Variants in RABEP2 observed in about 807,000 individuals in gnomAD.
RABEP2 encodes the protein rabaptin, RAB GTPase binding effector protein 2, also known as rab GTPase-binding effector protein 2.
A neutral mutation model predicts 74.1 loss-of-function variants in RABEP2; 57 were observed. The observed-to-expected ratio is 0.77, with a 90% CI of 0.62 to 0.96. The LOEUF (loss-of-function observed/expected upper bound fraction) is 0.96, where lower values mean the gene tolerates loss of function less well. Among genes scored for constraint, RABEP2 ranks in the 40% least tolerant of loss-of-function variants. RABEP2 has a pLI of 0.00. For missense variants in RABEP2, 692 were observed against 756.3 expected (o/e 0.91, Z 1.00); for synonymous variants, 351 against 344.0 (o/e 1.02, Z -0.23).
intron 3 of RABEP2, chr16:28,916,080 T>C (rs1964388866): frequency 6.8e-6 from 1 of 147,166 alleles, no homozygotes; most frequent in African/African-American, 2.5e-5. Flanking sequence ...AGACCACCCA[T>C]CTAGGCCTCA....
chr16:28,920,921 T>G (rs1342753408), intron 2 of RABEP2: 1 of 256,548 alleles, frequency 3.9e-6, no homozygotes, highest in Admixed American at 4.9e-5. Flanking sequence ...TGAAGTGCAG[T>G]GTCGCAATCA....
At chr16:28,914,898 C>T (rs1243457323) in intron 3 of RABEP2, 116 bp from the exon 4 acceptor site, 13 of 800,098 alleles carry the variant, frequency 1.6e-5, no homozygotes, top group Non-Finnish European at 2.6e-5. Flanking sequence ...CTAGAAGGTG[C>T]TGTCCACCCT....
chr16:28,905,158 A>AG (rs1197202050), intron 12 of RABEP2, 114 bp from the exon 13 acceptor site: 25 of 855,854 alleles, frequency 2.9e-5, no homozygotes, highest in Middle Eastern at 6.8e-4. Flanking sequence ...GGCCACCTCT[A>AG]GGGGGCTGAT....
chr16:28,924,628 G>A lies in RABEP2; in HGVS notation c.62-13C>T, dbSNP rs1666116632. 6 of 1,603,150 alleles carry A rather than the reference G, an allele frequency of 3.7e-6. No homozygotes were observed. Among genetic ancestry groups the A allele is most frequent in the Non-Finnish European group, 5.1e-6 (6 of 1,176,874 alleles). The stretch of plus-strand genomic sequence containing the variant: ...GAGTCCTCCAGTGCTGTGGGGGACA[G>A]GGATCAGCCTCTCTTCCCATCTCTT... On this transcript the variant is annotated splice_polypyrimidine_tract_variant and intron_variant, in intron 1 of 12. Coordinates refer to ENST00000358201, the MANE Select transcript of RABEP2 (RefSeq NM_024816.3).
chr16:28,919,778 A>G lies in RABEP2; in HGVS notation c.432+8T>C, dbSNP rs367596107. The G allele has an allele frequency of 2.3e-5, 37 of 1,600,608 alleles. No individual in the cohort carries two copies. In the African/African-American group the frequency reaches 3.5e-4, roughly 15 times the overall value. Reference sequence around the variant, plus strand: ...CCAGGGCAGCAGGGAAGCCATCCCAATCCCAACCTTTTCCATCTGCTTCTC... The same window carrying G: ...CCAGGGCAGCAGGGAAGCCATCCCAGTCCCAACCTTTTCCATCTGCTTCTC... On this transcript the variant is annotated splice_region_variant and intron_variant, in intron 3 of 12. Coordinates refer to ENST00000358201, the MANE Select transcript of RABEP2 (RefSeq NM_024816.3).
Position 28,925,215 on chromosome 16 carries a change from G to T in RABEP2, c.-52C>A. 6.7e-7 allele frequency: 1 copy of T among 1,502,632 alleles called. No homozygotes were observed. The highest frequency in any genetic ancestry group is 8.8e-7 in the Non-Finnish European group (1 of 1,131,676). 93.1% of individuals were successfully genotyped at this position (1,502,632 alleles called of 1,614,324 possible). ...GCACTCCCTGGTGACGGAGCGCACC[G>T]CTTCCGGGTCCTCTCGGCTGTTTCC... On this transcript the variant is annotated 5_prime_UTR_variant, in exon 1 of 13. Coordinates refer to ENST00000358201, the MANE Select transcript of RABEP2 (RefSeq NM_024816.3).
chr16:28,905,928 C>T (rs762870201), intron 9 of RABEP2, 50 bp from the exon 10 acceptor site: 22 of 1,613,078 alleles, frequency 1.4e-5, no homozygotes, highest in African/African-American at 6.7e-5. Context: ...CTCCCCTCCC[C>T]GCTGCTGCCC....
Position 28,914,308 on chromosome 16 carries a change from G to A in RABEP2, c.822C>T (p.Pro274=), listed in dbSNP as rs200262580. ...ASLVSTGTLV[P]EGIYLPPPGY... Reference sequence around the variant, plus strand: ...CAGGAGGGGGCAGGTAGATGCCCTCGGGAACCAGGGTGCCCGTAGACACCA... The same window carrying A: ...CAGGAGGGGGCAGGTAGATGCCCTCAGGAACCAGGGTGCCCGTAGACACCA... The change falls in exon 5 of 13, where the codon CCC becomes CCT. Residue 274 remains proline, a synonymous_variant. Transcript: ENST00000358201. 324 of 1,613,038 alleles carry A rather than the reference G, an allele frequency of 2.0e-4. No individual in the cohort carries two copies. In the African/African-American group the frequency reaches 3.7e-3, roughly 18 times the overall value.
At chr16:28,907,862 C>T (rs895965975) in intron 8 of RABEP2, among the ~76,000 whole-genome samples, 3 of 152,088 alleles carry the variant, frequency 2.0e-5, no homozygotes, top group East Asian at 1.9e-4. Flanking sequence ...TGCAATGGCG[C>T]GATTTCGGCT....
At position 28,906,082 on chromosome 16, in the gene RABEP2, C is replaced by A. The variant is rs780449414; in HGVS notation, c.1360G>T (p.Glu454Ter). 1 of 1,597,336 alleles carries A rather than the reference C, an allele frequency of 6.3e-7. No homozygotes were observed. Among genetic ancestry groups the A allele is most frequent in the Admixed American group, 1.7e-5 (1 of 57,340 alleles). ...IEIVTLREAL[E>*]EETVARASLE... The stretch of plus-strand genomic sequence containing the variant: ...CTGGCCCTGGCCACTGTCTCCTCCT[C>A]CAGAGCCTCCCGCAGCGTCACGATC... The change falls in exon 9 of 13, where the codon GAG becomes TAG. Residue 454 changes from glutamate to a stop codon, truncating the protein, a stop_gained. Coordinates refer to ENST00000358201, the MANE Select transcript of RABEP2 (RefSeq NM_024816.3). LOFTEE classifies it high-confidence loss of function.
chr16:28,917,576 T>C (rs1964411161), intron 3 of RABEP2, among the ~76,000 whole-genome samples: 1 of 152,130 alleles, frequency 6.6e-6, no homozygotes, highest in African/African-American at 2.4e-5. Flanking sequence ...CCCACCACCA[T>C]GCCTGGCTAA....
chr16:28,924,667 T>A (rs1312212533), intron 1 of RABEP2, 52 bp from the exon 2 acceptor site: 33 of 1,536,264 alleles, frequency 2.1e-5, no homozygotes, highest in Non-Finnish European at 2.7e-5. Context: ...CCAGGCCACC[T>A]ACCGGCTTAG....
chr16:28,908,458 T>A, intron 8 of RABEP2, 151 bp downstream of exon 8: 2 of 704,918 alleles, frequency 2.8e-6, no homozygotes, highest in South Asian at 2.5e-5. Flanking sequence ...GTTCCATTTC[T>A]CAGATGAGGA....
intron 5 of RABEP2, among the ~76,000 whole-genome samples, chr16:28,912,609 C>T (rs1964330468): frequency 6.6e-6 from 1 of 151,894 alleles, no homozygotes; most frequent in Non-Finnish European, 1.5e-5. Flanking sequence ...GACAGGGTTT[C>T]ATCATGTTGC....
chr16:28,924,474 T>C lies in RABEP2; in HGVS notation c.203A>G (p.Lys68Arg). 1 of 1,614,032 alleles carries C rather than the reference T, an allele frequency of 6.2e-7. No individual in the cohort carries two copies. Among genetic ancestry groups the C allele is most frequent in the Non-Finnish European group, 8.5e-7 (1 of 1,180,030 alleles). ...CTGCACCGCAGCCACAGCCTCGGCC[T>C]TCGTGCTCTCGCTCACCTCTGCCAC... ...KAVAEVSEST[K>R]AEAVAAVQRQ... The change falls in exon 2 of 13, where the codon AAG becomes AGG. Residue 68 changes from lysine to arginine, a missense_variant. Coordinates refer to ENST00000358201, the MANE Select transcript of RABEP2 (RefSeq NM_024816.3).
Position 28,904,560 on chromosome 16 carries a change from G to A in RABEP2, c.*383C>T, listed in dbSNP as rs1964190886. On this transcript the variant is annotated 3_prime_UTR_variant, in exon 13 of 13. Transcript: ENST00000358201. ...CCAGAAGGCAGCTGCCTGTCCCAGG[G>A]CCGGGGCCCACCTCACTGCCTCTGA... 7 of 1,403,422 alleles carry A rather than the reference G, an allele frequency of 5.0e-6. No individual in the cohort carries two copies. Among genetic ancestry groups the A allele is most frequent in the Non-Finnish European group, 9.4e-7 (1 of 1,060,888 alleles). The allele number at this position is 1,403,422 out of a possible 1,614,324, so 86.9% of individuals were successfully genotyped here.
intron 3 of RABEP2, among the ~76,000 whole-genome samples, chr16:28,918,858 G>A (rs1187249349): frequency 6.6e-6 from 1 of 151,998 alleles, no homozygotes; most frequent in East Asian, 1.9e-4. Flanking sequence ...TCTTGCTATG[G>A]TGCCCAGGCT....
intron 3 of RABEP2, among the ~76,000 whole-genome samples, chr16:28,915,870 A>G (rs774323249): frequency 7.3e-5 from 10 of 136,256 alleles, no homozygotes; most frequent in Non-Finnish European, 1.6e-4. Context: ...AAGAAGTTTC[A>G]TTCTTGTTGC....
chr16:28,911,284 C>T (rs1266634565), intron 5 of RABEP2, 105 bp from the exon 6 acceptor site: 2 of 1,017,736 alleles, frequency 2.0e-6, no homozygotes, highest in Non-Finnish European at 1.4e-6. Flanking sequence ...TCCACACAGT[C>T]CGTCAAATTA....
Sources: gnomAD v4.1 joint callset for allele counts (sites outside exome capture counted in the v4.1 genomes callset) on GRCh38, gnomAD v4.1.1 for gene constraint, MANE v1.5 for transcripts, NCBI Gene and HGNC (gene_info 2026-07-23, HGNC 2026-07-21) for gene names.